SLC9D1: variants seen among roughly 807,000 people sequenced by gnomAD.
SLC9D1 encodes the protein putative LAG1-interacting protein.
At chr13:113,542,849 A>G in the SLC9D1 span, among the ~76,000 whole-genome samples, 2 of 152,108 alleles carry the variant, frequency 1.3e-5, no homozygotes, top group South Asian at 4.1e-4. Flanking sequence ...TGAAGGCCAT[A>G]AATAGCCGAG....
At chr13:113,520,524 A>G in the SLC9D1 span, 5 of 645,178 alleles carry the variant, frequency 7.7e-6, no homozygotes, top group Admixed American at 2.7e-5. Flanking sequence ...AAATAATTTG[A>G]GTTATTTTGG....
At chr13:113,544,521 C>T in the SLC9D1 span, among the ~76,000 whole-genome samples, 22,383 of 152,264 alleles carry the variant, frequency 0.15, 1,991 homozygotes, top group Admixed American at 0.27. Flanking sequence ...GAAACAGCCA[C>T]GCTTGCTCAT....
chr13:113,531,728 G>A, the SLC9D1 span, among the ~76,000 whole-genome samples: 2 of 152,248 alleles, frequency 1.3e-5, no homozygotes, highest in Admixed American at 6.5e-5. Flanking sequence ...TGGACCTGCC[G>A]GTGGCACGGC....
At chr13:113,511,377 C>T in the SLC9D1 span, among the ~76,000 whole-genome samples, 1 of 152,190 alleles carries the variant, frequency 6.6e-6, no homozygotes, top group East Asian at 1.9e-4. Flanking sequence ...GGCTCTGTGC[C>T]GGCAACTGAG....
the SLC9D1 span, among the ~76,000 whole-genome samples, chr13:113,536,170 G>A: frequency 6.6e-6 from 1 of 152,100 alleles, no homozygotes; most frequent in African/African-American, 2.4e-5. Flanking sequence ...CTGAGGTCAG[G>A]AGTTCGAGAC....
At chr13:113,548,240 C>A in the SLC9D1 span, 34 of 1,574,486 alleles carry the variant, frequency 2.2e-5, no homozygotes, top group Non-Finnish European at 2.8e-5. Context: ...TTCTCTGTTT[C>A]GTGTGTGTTT....
the SLC9D1 span, among the ~76,000 whole-genome samples, chr13:113,543,099 TCCTCCCCCTGCCCCCAGCCCTCC>T: frequency 6.2e-5 from 3 of 48,494 alleles, no homozygotes; most frequent in African/African-American, 2.2e-4. Context: ...GACCCCCACC[TCCTCCCCCTGCCCCCAGCCCTCC>T]CTGTCCGTGA....
chr13:113,549,282 G>A, the SLC9D1 span: 1 of 922,150 alleles, frequency 1.1e-6, no homozygotes, highest in Non-Finnish European at 1.6e-6. Flanking sequence ...ATCCCTCCCA[G>A]CACTCAGCGT....
At chr13:113,493,839 C>T in the SLC9D1 span, among the ~76,000 whole-genome samples, 1 of 152,224 alleles carries the variant, frequency 6.6e-6, no homozygotes, top group African/African-American at 2.4e-5. Context: ...TGCTGGGGTG[C>T]AGACAGTCGC....
chr13:113,513,441 A>G, the SLC9D1 span, among the ~76,000 whole-genome samples: 2 of 152,188 alleles, frequency 1.3e-5, no homozygotes, highest in Non-Finnish European at 2.9e-5. Context: ...CTGTTAGAAA[A>G]GGAGATGTTT....
the SLC9D1 span, chr13:113,500,025 T>C: frequency 6.3e-7 from 1 of 1,594,942 alleles, no homozygotes. Context: ...AAGCAAAATA[T>C]AACAAAACGA....
At chr13:113,503,716 G>A in the SLC9D1 span, 3 of 590,066 alleles carry the variant, frequency 5.1e-6, no homozygotes, top group East Asian at 5.8e-5. Context: ...TGATATTTCG[G>A]TTTGATGTTA....
At chr13:113,518,264 C>T in the SLC9D1 span, among the ~76,000 whole-genome samples, 2 of 152,144 alleles carry the variant, frequency 1.3e-5, no homozygotes, top group South Asian at 2.1e-4. Flanking sequence ...CTCCTGCAGC[C>T]CCGTGAAGTC....
At chr13:113,528,383 A>G in the SLC9D1 span, 1 of 152,340 alleles carries the variant, frequency 6.6e-6, no homozygotes, top group Non-Finnish European at 1.5e-5. Context: ...GGTGGGGTGG[A>G]AGAATTTTTT....
At chr13:113,527,063 G>A in the SLC9D1 span, among the ~76,000 whole-genome samples, 1 of 152,228 alleles carries the variant, frequency 6.6e-6, no homozygotes, top group Non-Finnish European at 1.5e-5. Flanking sequence ...TCTGCACAAT[G>A]ATGAAATTGC....
At chr13:113,549,643 C>G in the SLC9D1 span, 1 of 1,342,162 alleles carries the variant, frequency 7.5e-7, no homozygotes. Flanking sequence ...GGCAACAGAA[C>G]AGCCCTCTAG....
At chr13:113,505,384 T>G in the SLC9D1 span, 1 of 152,210 alleles carries the variant, frequency 6.6e-6, no homozygotes, top group Non-Finnish European at 1.5e-5. Flanking sequence ...TTTAAAAAAT[T>G]TACCCACAAA....
the SLC9D1 span, chr13:113,503,746 A>G: frequency 1.7e-6 from 1 of 580,578 alleles, no homozygotes; most frequent in South Asian, 2.3e-5. Flanking sequence ...CAAATTCAGA[A>G]AGATAAAAAA....
At chr13:113,521,745 C>T in the SLC9D1 span, among the ~76,000 whole-genome samples, 3 of 152,162 alleles carry the variant, frequency 2.0e-5, no homozygotes, top group South Asian at 4.2e-4. Flanking sequence ...TAGGTTGTGC[C>T]GCATATACAA....
Sources: gnomAD v4.1 joint callset for allele counts (sites outside exome capture counted in the v4.1 genomes callset) on GRCh38, gnomAD v4.1.1 for gene constraint, MANE v1.5 for transcripts, NCBI Gene and HGNC (gene_info 2026-07-23, HGNC 2026-07-21) for gene names.